MLLT10: variants seen among roughly 807,000 people sequenced by gnomAD.
MLLT10 encodes protein AF-10.
In MLLT10, 30 loss-of-function variants were observed where a neutral mutation model predicts 129.1. The ratio of observed to expected loss-of-function variants is 0.23; its 90% confidence interval spans 0.17 to 0.32. MLLT10 has a LOEUF of 0.32. Among genes scored for constraint, MLLT10 ranks in the 10% least tolerant of loss-of-function variants. The probability of loss-of-function intolerance (pLI) is 1.00; values close to 1 mark genes in which losing one functional copy is unlikely to be tolerated. For synonymous variants in MLLT10, 490 were observed against 446.4 expected (o/e 1.10, Z -1.23); for missense variants, 1,119 against 1,268.3 (o/e 0.88, Z 1.79).
At chr10:21,566,622 C>T (rs1358761641) in intron 3 of MLLT10, among the ~76,000 whole-genome samples, 1 of 152,018 alleles carries the variant, frequency 6.6e-6, no homozygotes, top group Non-Finnish European at 1.5e-5. Context: ...GCCACCATGC[C>T]TTGTTTTAGT....
At chr10:21,649,789 A>T (rs543660897) in intron 8 of MLLT10, among the ~76,000 whole-genome samples, 1 of 152,280 alleles carries the variant, frequency 6.6e-6, no homozygotes, top group South Asian at 2.1e-4. Flanking sequence ...TCTTGAGCTT[A>T]TACACCATCA....
chr10:21,588,041 G>GT (rs1231856398), intron 4 of MLLT10, among the ~76,000 whole-genome samples: 12 of 151,668 alleles, frequency 7.9e-5, no homozygotes, highest in South Asian at 4.1e-4. Context: ...CAATTTATCT[G>GT]TTTTTTTTGA....
At chr10:21,733,676 G>GT in intron 19 of MLLT10, 84 bp downstream of exon 19, 1 of 1,487,730 alleles carries the variant, frequency 6.7e-7, no homozygotes, top group Non-Finnish European at 8.9e-7. Flanking sequence ...ATTTTAAACA[G>GT]TTTTGCAGTG....
intron 3 of MLLT10, among the ~76,000 whole-genome samples, chr10:21,545,770 A>G (rs897260389): frequency 1.3e-5 from 2 of 152,152 alleles, no homozygotes; most frequent in African/African-American, 4.8e-5. Context: ...GGGCTCAAGG[A>G]ATCCTCTCAC....
At chr10:21,575,035 C>G (rs2040590015) in intron 3 of MLLT10, among the ~76,000 whole-genome samples, 1 of 152,134 alleles carries the variant, frequency 6.6e-6, no homozygotes. Context: ...TCAGAGGCCT[C>G]TGACAAAAGG....
At chr10:21,572,550 GC>G (rs2040323835) in intron 3 of MLLT10, among the ~76,000 whole-genome samples, 1 of 151,810 alleles carries the variant, frequency 6.6e-6, no homozygotes, top group Non-Finnish European at 1.5e-5. Context: ...GGTCTTTTTT[GC>G]TTTGTCTGAG....
At chr10:21,674,670 A>AT (rs2051886337) in intron 11 of MLLT10, among the ~76,000 whole-genome samples, 1 of 152,170 alleles carries the variant, frequency 6.6e-6, no homozygotes, top group Non-Finnish European at 1.5e-5. Flanking sequence ...TTAACAGTTG[A>AT]TGTTAACTGA....
At chr10:21,717,690 TC>T in intron 14 of MLLT10, among the ~76,000 whole-genome samples, 5 of 126,062 alleles carry the variant, frequency 4.0e-5, no homozygotes, top group Non-Finnish European at 6.6e-5. Flanking sequence ...CTCCTCCTCC[TC>T]CTCCTCCTCT....
At chr10:21,585,636 T>C (rs1489479966) in intron 3 of MLLT10, among the ~76,000 whole-genome samples, 1 of 152,214 alleles carries the variant, frequency 6.6e-6, no homozygotes, top group Non-Finnish European at 1.5e-5. Context: ...AACAGGCATA[T>C]GTTAAAAGCC....
In MLLT10 at chr10:21,742,754, G is replaced by C. The variant is rs575222814; in HGVS notation, c.*771G>C. On this transcript the variant is annotated 3_prime_UTR_variant, in exon 23 of 23. Coordinates refer to ENST00000307729, the MANE Select transcript of MLLT10 (RefSeq NM_001195626.3). ...TTTCAGAAAGGGGCCACTGTGGAAA[G>C]TGCTGGTGGGGTTTGCCCTTGATCA... The C allele has an allele frequency of 4.4e-6, 1 of 227,580 alleles. No homozygotes were observed. Among genetic ancestry groups the C allele is most frequent in the Non-Finnish European group, 8.7e-6 (1 of 114,546 alleles). 14.1% of individuals were successfully genotyped at this position (227,580 alleles called of 1,614,324 possible).
chr10:21,740,011 C>G lies in MLLT10; in HGVS notation c.2956-19C>G, dbSNP rs749493006. On this transcript the variant is annotated intron_variant, in intron 21 of 22. Transcript: ENST00000307729. The stretch of plus-strand genomic sequence containing the variant: ...CCGTGCTTGGGAACTCATTTTCTCT[C>G]ACATGTTTTTTGCCTAAGGAACAAC... 1 of 1,569,052 alleles carries G rather than the reference C, an allele frequency of 6.4e-7. No individual in the cohort carries two copies. Among genetic ancestry groups the G allele is most frequent in the East Asian group, 2.3e-5 (1 of 43,198 alleles).
chr10:21,682,367 G>T (rs552785345), intron 13 of MLLT10, 110 bp downstream of exon 13: 114 of 1,004,562 alleles, frequency 1.1e-4, no homozygotes, highest in Non-Finnish European at 1.5e-4. Context: ...GAAATCCAGT[G>T]CTGCAGTGAG....
In MLLT10 at chr10:21,681,380, A is replaced by G; in HGVS notation, c.1666+4A>G. ...GATGGAGCTTGCCCAACAACTAGTA[A>G]GTTGTCAAACTGGGTTGATAACCCG... On this transcript the variant is annotated splice_donor_region_variant and intron_variant, in intron 12 of 22. Coordinates refer to ENST00000307729, the MANE Select transcript of MLLT10 (RefSeq NM_001195626.3). 1 of 1,607,606 alleles carries G rather than the reference A, an allele frequency of 6.2e-7. No homozygotes were observed. Among genetic ancestry groups the G allele is most frequent in the Non-Finnish European group, 8.5e-7 (1 of 1,175,656 alleles).
chr10:21,696,963 C>T (rs1214885138), intron 13 of MLLT10, among the ~76,000 whole-genome samples: 2 of 151,914 alleles, frequency 1.3e-5, no homozygotes, highest in African/African-American at 4.8e-5. Flanking sequence ...ATTTAAAAGT[C>T]CTTTGTAGCC....
rs1474398066 is a variant in MLLT10, at chr10:21,534,349, T to G, written c.-172T>G. On this transcript the variant is annotated 5_prime_UTR_variant, in exon 1 of 23. It adds an upstream start codon to the 5' untranslated region. Transcript: ENST00000307729. Reference sequence around the variant, plus strand: ...GCGCCTGTGCGGAGGCCCTCTTGATTATGTGTGCCCTCTCCGGGCGCCCGC... The same window carrying G: ...GCGCCTGTGCGGAGGCCCTCTTGATGATGTGTGCCCTCTCCGGGCGCCCGC... The G allele has an allele frequency of 5.5e-6, 2 of 366,148 alleles. No homozygotes were observed. Among genetic ancestry groups the G allele is most frequent in the African/African-American group, 2.1e-5 (1 of 47,440 alleles). 22.7% of individuals were successfully genotyped at this position (366,148 alleles called of 1,614,324 possible). A position where few individuals can be genotyped will look rare whatever the true frequency, so the allele number is the denominator to read the frequency against.
At position 21,653,720 on chromosome 10, in the gene MLLT10, C is replaced by T. The variant is rs540170998; in HGVS notation, c.795+1952C>T. ...GGTGCTATCCTGCCTACCACAGATA[C>T]GTTGGCGTTGAGATGTATCTATTAA... On this transcript the variant is annotated intron_variant, in intron 9 of 22. Transcript: ENST00000307729. Among the ~76,000 whole-genome samples the T allele has an allele frequency of 8.5e-5, 13 of 152,256 alleles. 1 individual carries two copies. Among genetic ancestry groups the T allele is most frequent in the East Asian group, 5.8e-4 (3 of 5,186 alleles).
intron 8 of MLLT10, among the ~76,000 whole-genome samples, chr10:21,645,699 T>A (rs1414578340): frequency 6.6e-6 from 1 of 152,220 alleles, no homozygotes; most frequent in Non-Finnish European, 1.5e-5. Context: ...TTTGTAAAAT[T>A]CACTTTCTGA....
intron 3 of MLLT10, among the ~76,000 whole-genome samples, chr10:21,581,291 C>G (rs1300600971): frequency 6.6e-6 from 1 of 152,124 alleles, no homozygotes; most frequent in Non-Finnish European, 1.5e-5. Flanking sequence ...TCGTGATTGC[C>G]TGCCTCGGCC....
intron 21 of MLLT10, chr10:21,738,534 C>CATT: frequency 7.8e-7 from 1 of 1,285,526 alleles, no homozygotes; most frequent in Non-Finnish European, 1.0e-6. Context: ...AAAGTTTGTT[C>CATT]ATTTACAGGG....
Sources: allele counts gnomAD v4.1 joint callset (sites outside exome capture counted in the v4.1 genomes callset), GRCh38; gene constraint gnomAD v4.1.1; transcripts MANE v1.5; gene names NCBI Gene and HGNC (gene_info 2026-07-23, HGNC 2026-07-21).